CACNA1E: variants seen among roughly 807,000 people sequenced by gnomAD.
The protein encoded by CACNA1E is voltage-dependent R-type calcium channel subunit alpha-1E.
CACNA1E carries 40 observed loss-of-function variants against 259.2 expected under a neutral mutation model. The ratio of observed to expected loss-of-function variants is 0.15; its 90% CI spans 0.12 to 0.20. The LOEUF (loss-of-function observed/expected upper bound fraction) is 0.20, where lower values mean the gene tolerates loss of function less well. Ranked by LOEUF, CACNA1E falls within the 10% of genes least tolerant of loss-of-function variation. The probability of loss-of-function intolerance (pLI) is 1.00; values close to 1 mark genes in which losing one functional copy is unlikely to be tolerated. For synonymous variants in CACNA1E, 1,104 were observed against 1,138.5 expected, an observed-to-expected ratio of 0.97 and a Z score of 0.61; for missense variants, 1,874 against 3,040.1, an observed-to-expected ratio of 0.62 and a Z score of 9.02.
chr1:181,572,692 T>A (rs1650535917), intron 3 of CACNA1E, among the ~76,000 whole-genome samples: 1 of 152,222 alleles, frequency 6.6e-6, no homozygotes, highest in African/African-American at 2.4e-5. Flanking sequence ...AGGCTTTTAT[T>A]AACTCAAAAT....
chr1:181,359,968 C>G (rs571235337), intron 1 of CACNA1E, among the ~76,000 whole-genome samples: 2 of 152,116 alleles, frequency 1.3e-5, no homozygotes, highest in African/African-American at 4.8e-5. Flanking sequence ...TGCTGCCCAG[C>G]CTTACTTTCA....
At chr1:181,318,226 C>G (rs1650050380) in intron 1 of CACNA1E, 2 of 152,132 alleles carry the variant, frequency 1.3e-5, no homozygotes, top group African/African-American at 4.8e-5. Flanking sequence ...CGGGTCTGGC[C>G]CCCGCGCTTC....
At chr1:181,714,758 C>G (rs755908835) in intron 8 of CACNA1E, among the ~76,000 whole-genome samples, 5 of 152,192 alleles carry the variant, frequency 3.3e-5, no homozygotes, top group Non-Finnish European at 7.3e-5. Context: ...TTGGCTCAGG[C>G]TCTGGTCAAC....
intron 1 of CACNA1E, among the ~76,000 whole-genome samples, chr1:181,362,746 A>C (rs1653979117): frequency 6.6e-6 from 1 of 152,252 alleles, no homozygotes. Context: ...GATGGGAATA[A>C]GACTTAGAAA....
intron 6 of CACNA1E, among the ~76,000 whole-genome samples, chr1:181,604,895 T>A (rs932648098): frequency 6.6e-6 from 1 of 152,088 alleles, no homozygotes; most frequent in Non-Finnish European, 1.5e-5. Flanking sequence ...TAAGTCCAAT[T>A]TGTAGGACAT....
chr1:181,432,058 T>C (rs1440310929), intron 2 of CACNA1E, among the ~76,000 whole-genome samples: 1 of 152,042 alleles, frequency 6.6e-6, no homozygotes, highest in African/African-American at 2.4e-5. Context: ...AGCCTGATAT[T>C]GGAGTCAGCC....
At chr1:181,372,101 A>G (rs186530873) in intron 1 of CACNA1E, among the ~76,000 whole-genome samples, 28 of 152,292 alleles carry the variant, frequency 1.8e-4, no homozygotes, top group African/African-American at 6.7e-4. Flanking sequence ...TTCCATATGA[A>G]TTTTAGAATA....
intron 2 of CACNA1E, among the ~76,000 whole-genome samples, chr1:181,421,140 C>T (rs914013400): frequency 2.6e-5 from 4 of 152,198 alleles, no homozygotes; most frequent in Non-Finnish European, 4.4e-5. Flanking sequence ...CATGTTTGTT[C>T]TACTGAGCCA....
intron 1 of CACNA1E, among the ~76,000 whole-genome samples, chr1:181,360,860 C>T (rs961117503): frequency 2.6e-5 from 4 of 152,170 alleles, no homozygotes; most frequent in Admixed American, 6.5e-5. Context: ...GTGGCTCAGC[C>T]TTTACAACTA....
In CACNA1E at chr1:181,733,387, A is replaced by G; in HGVS notation, c.2949-50A>G. The G allele has an allele frequency of 2.1e-6, 3 of 1,446,236 alleles. No individual in the cohort carries two copies. The Admixed American group carries it at 7.3e-5, about 35-fold the overall frequency. 89.6% of individuals were successfully genotyped at this position (1,446,236 alleles called of 1,614,324 possible). On this transcript the variant is annotated intron_variant, in intron 20 of 47. Coordinates refer to ENST00000367573, the MANE Select transcript of CACNA1E (RefSeq NM_001205293.3). ...TCCCCTTGTGCCAGGCACACCTGCC[A>G]TTTGGGGACAGCGTCTGAGCACCAG...
chr1:181,489,419 T>C (rs1319133432), intron 1 of CACNA1E, among the ~76,000 whole-genome samples: 1 of 152,228 alleles, frequency 6.6e-6, no homozygotes, highest in African/African-American at 2.4e-5. Flanking sequence ...ATTATTAAGG[T>C]CTCTCACAGA....
intron 2 of CACNA1E, among the ~76,000 whole-genome samples, chr1:181,461,965 C>A (rs1483691845): frequency 6.6e-6 from 1 of 152,090 alleles, no homozygotes; most frequent in Non-Finnish European, 1.5e-5. Context: ...TACATATACC[C>A]ACATACAGCT....
At chr1:181,632,310 A>G (rs1656824431) in intron 6 of CACNA1E, among the ~76,000 whole-genome samples, 1 of 152,124 alleles carries the variant, frequency 6.6e-6, no homozygotes. Context: ...TAGAGGGTAT[A>G]GAGTAACCCA....
At position 181,798,459 on chromosome 1, in the gene CACNA1E, C is replaced by T. The variant is rs34942364; in HGVS notation, c.6567C>T (p.Ser2189=). ...GCATCTCTCCACCTGCTGATGGAAGCGAGGAGGGCTCCCCGCTGACCTCCC... is the reference window on the plus strand; with the variant it reads ...GCATCTCTCCACCTGCTGATGGAAGTGAGGAGGGCTCCCCGCTGACCTCCC... ...AGSISPPADG[S]EEGSPLTSQA... The change falls in exon 48 of 48, where the codon AGC becomes AGT. Residue 2189 remains serine, a synonymous_variant. Transcript: ENST00000367573. This position sits in a 1 kb window ranked among gnomAD's most constrained non-coding sequence, Gnocchi z 4.2. The T allele has an allele frequency of 0.012, 18,779 of 1,613,828 alleles. 193 individuals are homozygous for T. Among genetic ancestry groups the T allele is most frequent in the Admixed American group, 0.054 (3,258 of 60,018 alleles).
At chr1:181,320,032 T>A (rs1216030746) in intron 1 of CACNA1E, among the ~76,000 whole-genome samples, 1 of 152,222 alleles carries the variant, frequency 6.6e-6, no homozygotes, top group Non-Finnish European at 1.5e-5. Context: ...TATTCCTCTG[T>A]CTTCTTGGTT....
intron 38 of CACNA1E, among the ~76,000 whole-genome samples, chr1:181,780,268 G>A (rs1660310688): frequency 6.6e-6 from 1 of 152,170 alleles, no homozygotes; most frequent in Non-Finnish European, 1.5e-5. Flanking sequence ...AGGGATCTGA[G>A]GGAGCTGTCA....
At chr1:181,659,578 A>G (rs1366743382) in intron 7 of CACNA1E, among the ~76,000 whole-genome samples, 1 of 152,188 alleles carries the variant, frequency 6.6e-6, no homozygotes, top group Non-Finnish European at 1.5e-5. Context: ...GCTTCTGGAC[A>G]GGGAAAGGTA....
At chr1:181,477,717 C>G (rs1241133913) in intron 2 of CACNA1E, among the ~76,000 whole-genome samples, 1 of 152,192 alleles carries the variant, frequency 6.6e-6, no homozygotes, top group Non-Finnish European at 1.5e-5. Flanking sequence ...CTTTCAGAAA[C>G]AGAGTCTGTA....
chr1:181,747,827 T>A (rs947955894), intron 25 of CACNA1E, among the ~76,000 whole-genome samples: 4 of 152,236 alleles, frequency 2.6e-5, no homozygotes, highest in Non-Finnish European at 4.4e-5. Flanking sequence ...TTGGCTTTGA[T>A]AATGGCTTAA....
Sources: allele counts gnomAD v4.1 joint callset (sites outside exome capture counted in the v4.1 genomes callset), GRCh38; gene constraint gnomAD v4.1.1; non-coding constraint Gnocchi (gnomAD v3.1); transcripts MANE v1.5; gene names NCBI Gene and HGNC (gene_info 2026-07-23, HGNC 2026-07-21).